Variants in MAGI2 observed in about 807,000 individuals in gnomAD.
MAGI2 encodes the protein membrane associated guanylate kinase, WW and PDZ domain containing 2.
A neutral mutation model predicts 133.3 loss-of-function variants in MAGI2; 35 were observed. The observed-to-expected ratio is 0.26, with a 90% CI of 0.20 to 0.35. The LOEUF (loss-of-function observed/expected upper bound fraction) is 0.35, where lower values mean the gene tolerates loss of function less well. Ranked by LOEUF, MAGI2 falls within the 10% of genes least tolerant of loss-of-function variation. MAGI2 has a pLI of 1.00. For synonymous variants in MAGI2, 729 were observed against 710.6 expected (o/e 1.03, Z -0.41); for missense variants, 1,636 against 1,863.4 (o/e 0.88, Z 2.25).
intron 2 of MAGI2, among the ~76,000 whole-genome samples, chr7:78,924,627 G>A (rs567655190): frequency 2.0e-5 from 3 of 152,132 alleles, no homozygotes; most frequent in African/African-American, 7.2e-5. Flanking sequence ...TTGAATCAAT[G>A]TTCATCAAGG....
At chr7:78,526,956 C>A (rs6971114) in intron 3 of MAGI2, among the ~76,000 whole-genome samples, 1 of 128,962 alleles carries the variant, frequency 7.8e-6, no homozygotes, top group East Asian at 2.2e-4. Flanking sequence ...TGCGGTCAGC[C>A]GAGATCACGC....
intron 1 of MAGI2, among the ~76,000 whole-genome samples, chr7:79,122,097 G>A (rs142268050): frequency 5.0e-4 from 76 of 152,202 alleles, no homozygotes; most frequent in Middle Eastern, 6.8e-3. Flanking sequence ...CATCTTGCTG[G>A]AAGGGGTCTC....
chr7:79,291,192 T>A (rs1836454297), intron 1 of MAGI2, among the ~76,000 whole-genome samples: 1 of 152,162 alleles, frequency 6.6e-6, no homozygotes. Context: ...TGTGTCTTTT[T>A]TTCATTTAGC....
At chr7:79,246,871 G>T (rs777161727) in intron 1 of MAGI2, among the ~76,000 whole-genome samples, 1 of 152,026 alleles carries the variant, frequency 6.6e-6, no homozygotes, top group Non-Finnish European at 1.5e-5. Context: ...AACTCCCAAA[G>T]CTCAAGGATA....
chr7:79,054,132 GTTGCAATGAGCCAAGA>G (rs1390762382), intron 1 of MAGI2, among the ~76,000 whole-genome samples: 2 of 152,090 alleles, frequency 1.3e-5, no homozygotes, highest in Non-Finnish European at 2.9e-5. Flanking sequence ...GGAGGCAGAG[GTTGCAATGAGCCAAGA>G]TTGGACCACT....
At chr7:79,072,762 A>C (rs979895390) in intron 1 of MAGI2, among the ~76,000 whole-genome samples, 2 of 152,246 alleles carry the variant, frequency 1.3e-5, no homozygotes, top group African/African-American at 4.8e-5. Flanking sequence ...GCATAGCAGC[A>C]AAGTTTTTGC....
chr7:79,196,409 T>G (rs930279300), intron 1 of MAGI2, among the ~76,000 whole-genome samples: 2 of 152,058 alleles, frequency 1.3e-5, no homozygotes, highest in Admixed American at 6.6e-5. Context: ...TGTTTTTAAC[T>G]TTAGTATTCA....
chr7:78,019,151 C>A lies in MAGI2; in HGVS notation c.*164G>T, dbSNP rs140181408. 2.3e-4 allele frequency: 187 copies of A among 795,950 alleles called. 1 individual carries two copies. The East Asian group carries it at 5.1e-3, about 22-fold the overall frequency. 49.3% of individuals were successfully genotyped at this position (795,950 alleles called of 1,614,324 possible). A position where few individuals can be genotyped will look rare whatever the true frequency, so the allele number is the denominator to read the frequency against. On this transcript the variant is annotated 3_prime_UTR_variant, in exon 22 of 22. Transcript: ENST00000354212. ...TTAGGTCTGCGCGTTGATGCGATGC[C>A]GCCCAAGCACACCGGACACGTGGGA...
At chr7:78,201,134 A>C in intron 11 of MAGI2, 28 bp downstream of exon 11, 1 of 1,436,434 alleles carries the variant, frequency 7.0e-7, no homozygotes, top group Non-Finnish European at 9.4e-7. Context: ...GTAGAAATAA[A>C]GAAAGAAGCA....
chr7:78,102,944 A>C (rs1818332858), intron 20 of MAGI2, among the ~76,000 whole-genome samples: 4 of 152,140 alleles, frequency 2.6e-5, no homozygotes, highest in Admixed American at 2.6e-4. Context: ...TGGAGTCCTG[A>C]GGATTATCTA....
intron 7 of MAGI2, among the ~76,000 whole-genome samples, chr7:78,363,930 T>C (rs1793104627): frequency 6.6e-6 from 1 of 152,232 alleles, no homozygotes; most frequent in South Asian, 2.1e-4. Flanking sequence ...AGCTAGTACA[T>C]GTAAATCACT....
chr7:78,801,677 A>AT (rs1329702169), intron 2 of MAGI2, among the ~76,000 whole-genome samples: 1 of 152,154 alleles, frequency 6.6e-6, no homozygotes, highest in African/African-American at 2.4e-5. Flanking sequence ...GCCTTCCAAC[A>AT]TTTCATGTAA....
chr7:78,897,599 G>C (rs527942287), intron 2 of MAGI2, among the ~76,000 whole-genome samples: 1 of 152,292 alleles, frequency 6.6e-6, no homozygotes, highest in Admixed American at 6.5e-5. Context: ...GCTTAGGATT[G>C]CCTTGGCTAT....
intron 10 of MAGI2, among the ~76,000 whole-genome samples, chr7:78,250,113 C>T (rs907191177): frequency 2.6e-5 from 4 of 151,850 alleles, no homozygotes; most frequent in Admixed American, 1.3e-4. Flanking sequence ...ATATAAAACC[C>T]TCCAAAATAA....
intron 2 of MAGI2, among the ~76,000 whole-genome samples, chr7:78,958,844 C>T (rs1176366716): frequency 6.6e-6 from 1 of 152,108 alleles, no homozygotes; most frequent in African/African-American, 2.4e-5. Flanking sequence ...ATAGAGTTCA[C>T]TATTTTTATA....
At chr7:78,949,803 C>T (rs1801720225) in intron 2 of MAGI2, among the ~76,000 whole-genome samples, 1 of 152,188 alleles carries the variant, frequency 6.6e-6, no homozygotes, top group African/African-American at 2.4e-5. Flanking sequence ...CTCACATCTC[C>T]ACCTATAGGG....
chr7:79,363,999 A>G (rs900634146), intron 1 of MAGI2, among the ~76,000 whole-genome samples: 10 of 152,026 alleles, frequency 6.6e-5, no homozygotes, highest in Non-Finnish European at 1.5e-4. Flanking sequence ...AATGTTTAAC[A>G]TCTCTAATCC....
intron 2 of MAGI2, among the ~76,000 whole-genome samples, chr7:78,763,641 C>T (rs1292033228): frequency 6.6e-6 from 1 of 152,158 alleles, no homozygotes; most frequent in Non-Finnish European, 1.5e-5. Flanking sequence ...GCAAGAAGGC[C>T]TAAGCGAAAC....
intron 6 of MAGI2, among the ~76,000 whole-genome samples, chr7:78,451,740 A>G (rs1426859467): frequency 1.3e-5 from 2 of 152,126 alleles, no homozygotes; most frequent in Non-Finnish European, 2.9e-5. Context: ...GTACTACATG[A>G]CTGGGCACTT....
Sources: allele counts gnomAD v4.1 joint callset (sites outside exome capture counted in the v4.1 genomes callset), GRCh38; gene constraint gnomAD v4.1.1; transcripts MANE v1.5; gene names NCBI Gene and HGNC (gene_info 2026-07-23, HGNC 2026-07-21).